CLNK: variants seen among roughly 807,000 people sequenced by gnomAD.
The protein encoded by CLNK is cytokine dependent hematopoietic cell linker, also known as cytokine-dependent hematopoietic cell linker.
CLNK carries 74 observed loss-of-function variants against 68.6 expected under a neutral mutation model. That is an observed-to-expected ratio of 1.08 (90% confidence interval 0.89 to 1.31). The LOEUF is 1.31. Among genes scored for constraint, CLNK ranks in the 50% most tolerant of loss-of-function variants. The pLI is 0.00. For synonymous variants in CLNK, 198 were observed against 172.2 expected, an observed-to-expected ratio of 1.15 and a Z score of -1.17; for missense variants, 553 against 515.3, an observed-to-expected ratio of 1.07 and a Z score of -0.71.
chr4:10,706,405 C>A, the CLNK span, among the ~76,000 whole-genome samples: 1 of 152,242 alleles, frequency 6.6e-6, no homozygotes, highest in South Asian at 2.1e-4. Flanking sequence ...AAGTACCCAG[C>A]CAAGAACCAC....
At chr4:10,611,563 T>C (rs1253120297) in intron 2 of CLNK, among the ~76,000 whole-genome samples, 1 of 151,156 alleles carries the variant, frequency 6.6e-6, no homozygotes, top group African/African-American at 2.4e-5. Context: ...GGGCCTCCCG[T>C]GAGTGCCAGA....
chr4:10,713,945 T>C, the CLNK span, among the ~76,000 whole-genome samples: 1 of 152,238 alleles, frequency 6.6e-6, no homozygotes. Flanking sequence ...AGACATTTCA[T>C]GGGCCTTTTG....
At chr4:10,701,084 A>G in the CLNK span, among the ~76,000 whole-genome samples, 1 of 152,136 alleles carries the variant, frequency 6.6e-6, no homozygotes, top group African/African-American at 2.4e-5. Context: ...TCTTCTTCCA[A>G]TTCTTCCATA....
At chr4:10,721,899 C>T in the CLNK span, among the ~76,000 whole-genome samples, 10 of 152,104 alleles carry the variant, frequency 6.6e-5, no homozygotes. Context: ...GAATAAACAG[C>T]CAGGCAGTGG....
the CLNK span, among the ~76,000 whole-genome samples, chr4:10,728,897 C>A: frequency 6.6e-6 from 1 of 152,070 alleles, no homozygotes; most frequent in African/African-American, 2.4e-5. Flanking sequence ...CCACACCCGG[C>A]CCCTTTCTTA....
chr4:10,624,459 A>AT (rs1722584430), intron 2 of CLNK, among the ~76,000 whole-genome samples: 2 of 151,556 alleles, frequency 1.3e-5, no homozygotes, highest in Admixed American at 6.6e-5. Flanking sequence ...CGCCCGGCTA[A>AT]TTTTTTGTAT....
intron 2 of CLNK, among the ~76,000 whole-genome samples, chr4:10,615,148 C>T (rs1242297367): frequency 6.6e-5 from 10 of 151,964 alleles, no homozygotes; most frequent in Non-Finnish European, 1.5e-5. Context: ...GTTTGTGTCA[C>T]TTCACTCCAG....
At chr4:10,695,221 T>C in the CLNK span, among the ~76,000 whole-genome samples, 1 of 152,216 alleles carries the variant, frequency 6.6e-6, no homozygotes, top group Non-Finnish European at 1.5e-5. Context: ...TGTGAGTTGA[T>C]GGATTTGTTA....
Position 10,510,314 on chromosome 4 carries a change from C to T in CLNK, c.907-2278G>A, listed in dbSNP as rs1004328. On this transcript the variant is annotated intron_variant, in intron 16 of 18. Coordinates refer to ENST00000226951, the MANE Select transcript of CLNK (RefSeq NM_052964.4). ...AATGTTTCATTTTGGCCAAATATGT[C>T]GTTAATATCTCTCTGCCATTTCTAA... 7.4e-3 allele frequency among the ~76,000 whole-genome samples: 1,125 copies of T among 152,204 alleles called. 17 individuals carry two copies. Among genetic ancestry groups the T allele is most frequent in the African/African-American group, 0.026 (1,074 of 41,516 alleles).
At chr4:10,565,152 G>T (rs1308541694) in intron 6 of CLNK, among the ~76,000 whole-genome samples, 1 of 151,776 alleles carries the variant, frequency 6.6e-6, no homozygotes, top group Admixed American at 6.6e-5. Context: ...CACATTCATC[G>T]GTTGAGCTGC....
At chr4:10,531,542 T>G (rs1718537794) in intron 12 of CLNK, 1 of 290,764 alleles carries the variant, frequency 3.4e-6, no homozygotes, top group East Asian at 9.6e-5. Context: ...GTTCAAGCGA[T>G]TCTCCTTCCT....
chr4:10,610,030 CTCGTTTTTTTTTTTTTTTT>C (rs1560240499), intron 2 of CLNK, among the ~76,000 whole-genome samples: 25 of 126,496 alleles, frequency 2.0e-4, no homozygotes, highest in African/African-American at 7.4e-4. Flanking sequence ...TAAATGAATG[CTCGTTTTTTTTTTTTTTTT>C]TTTTTTTTTT....
chr4:10,609,986 C>G (rs777477990), intron 2 of CLNK, among the ~76,000 whole-genome samples: 2 of 146,768 alleles, frequency 1.4e-5, no homozygotes, highest in Non-Finnish European at 3.0e-5. Context: ...TTCCCTAGTA[C>G]TCGTTTTCTA....
chr4:10,663,547 A>G (rs113137990), intron 2 of CLNK, among the ~76,000 whole-genome samples: 4 of 152,356 alleles, frequency 2.6e-5, no homozygotes, highest in African/African-American at 9.6e-5. Context: ...GACTGAACTG[A>G]TACAATCATA....
intron 2 of CLNK, among the ~76,000 whole-genome samples, chr4:10,656,828 A>G (rs886997331): frequency 6.6e-6 from 1 of 152,234 alleles, no homozygotes; most frequent in Admixed American, 6.5e-5. Flanking sequence ...TGGAGAGTGT[A>G]TAAATAAATG....
intron 8 of CLNK, among the ~76,000 whole-genome samples, chr4:10,542,682 G>GTGTA (rs1560209216): frequency 2.2e-5 from 3 of 137,798 alleles, no homozygotes; most frequent in East Asian, 2.1e-4. Flanking sequence ...GTGTGTGTGT[G>GTGTA]TATATATATA....
intron 2 of CLNK, among the ~76,000 whole-genome samples, chr4:10,664,493 G>A (rs895200331): frequency 6.6e-6 from 1 of 152,194 alleles, no homozygotes; most frequent in Non-Finnish European, 1.5e-5. Context: ...CTGACATGTG[G>A]CTCCTTCTCT....
At chr4:10,504,371 C>T (rs1433380991) in intron 17 of CLNK, among the ~76,000 whole-genome samples, 3 of 152,192 alleles carry the variant, frequency 2.0e-5, no homozygotes, top group South Asian at 2.1e-4. Context: ...TCGCCCGCCT[C>T]GGGCTCCCAA....
chr4:10,661,313 A>G (rs149856640), intron 2 of CLNK, among the ~76,000 whole-genome samples: 52 of 152,344 alleles, frequency 3.4e-4, no homozygotes, highest in African/African-American at 1.2e-3. Context: ...CCACCTAGGA[A>G]CTGAATACAT....
Sources: allele counts gnomAD v4.1 joint callset (sites outside exome capture counted in the v4.1 genomes callset), GRCh38; gene constraint gnomAD v4.1.1; transcripts MANE v1.5; gene names NCBI Gene and HGNC (gene_info 2026-07-23, HGNC 2026-07-21).